FBXW8: variants seen among roughly 807,000 people sequenced by gnomAD.
FBXW8 encodes F-box/WD repeat-containing protein 8.
FBXW8 carries 57 observed loss-of-function variants against 65.3 expected under a neutral mutation model. That is an observed-to-expected ratio of 0.87 (90% confidence interval 0.71 to 1.09). The LOEUF is 1.09. Ranked by LOEUF, FBXW8 falls within the 50% of genes least tolerant of loss-of-function variation. The probability of loss-of-function intolerance (pLI) is 0.00; values close to 1 mark genes in which losing one functional copy is unlikely to be tolerated. For missense variants in FBXW8, 777 were observed against 814.8 expected, an observed-to-expected ratio of 0.95 and a Z score of 0.57; for synonymous variants, 308 against 330.2, an observed-to-expected ratio of 0.93 and a Z score of 0.73.
chr12:116,925,662 T>A (rs578030418), intron 1 of FBXW8, among the ~76,000 whole-genome samples: 1 of 152,292 alleles, frequency 6.6e-6, no homozygotes, highest in African/African-American at 2.4e-5. Flanking sequence ...TAAAAAAAGT[T>A]TGGCTGTGTA....
intron 7 of FBXW8, chr12:117,003,279 C>T (rs981835450): frequency 6.6e-6 from 1 of 152,252 alleles, no homozygotes; most frequent in Non-Finnish European, 1.5e-5. Context: ...ATTCTTTCAT[C>T]ACCTGTATAC....
intron 7 of FBXW8, among the ~76,000 whole-genome samples, chr12:116,994,690 A>T: frequency 6.6e-6 from 1 of 152,224 alleles, no homozygotes; most frequent in East Asian, 1.9e-4. Flanking sequence ...CATTTCTATG[A>T]CATAACAAAG....
In FBXW8 at chr12:116,945,389, C is replaced by T; in HGVS notation, c.449C>T (p.Ala150Val). The change falls in exon 3 of 11, where the codon GCA (alanine) becomes GTA (valine). Residue 150 changes from alanine to valine, a missense_variant. Transcript: ENST00000652555. ...AQVSKTWKVI[A>V]EDEVLWYRLC... The stretch of plus-strand genomic sequence containing the variant: ...GTGAGCAAGACGTGGAAGGTGATTG[C>T]AGAGGATGAGGTGCTGTGGTACAGG... 6.2e-7 allele frequency: 1 copy of T among 1,613,152 alleles called. No homozygotes were observed. Among genetic ancestry groups the T allele is most frequent in the East Asian group, 2.2e-5 (1 of 44,856 alleles).
In FBXW8 at chr12:116,939,029, A is replaced by G. The variant is rs1301270089; in HGVS notation, c.424-6335A>G. ...AGTGCCCAGTACATGGTTAGTGCCC[A>G]AAACATATCTTAACTGATTGACCGG... is the stretch of plus-strand genomic sequence containing the variant. On this transcript the variant is annotated intron_variant, in intron 2 of 10. Transcript: ENST00000652555. 2.6e-5 allele frequency among the ~76,000 whole-genome samples: 4 copies of G among 152,202 alleles called. No individual in the cohort carries two copies. In the East Asian group the frequency reaches 7.7e-4, roughly 29 times the overall value.
At chr12:117,011,470 A>G (rs1953813906) in intron 8 of FBXW8, among the ~76,000 whole-genome samples, 1 of 152,136 alleles carries the variant, frequency 6.6e-6, no homozygotes, top group Admixed American at 6.5e-5. Flanking sequence ...GCCTCCTAAA[A>G]TGGCTGATGT....
rs112645598 is a variant in FBXW8 at position 117,028,183 on chromosome 12, C to T, written c.*11C>T. ...TATAACCATGTTTAGGGATGTGCCT[C>T]AGTTGGGAGCAAGGAGAAAAATGGG... On this transcript the variant is annotated 3_prime_UTR_variant, in exon 11 of 11. Transcript: ENST00000652555. This position sits in a 1 kb window ranked among gnomAD's most constrained non-coding sequence, Gnocchi z 4.1. The T allele has an allele frequency of 6.2e-7, 1 of 1,612,482 alleles. No homozygotes were observed. The highest frequency in any genetic ancestry group is 2.2e-5 in the East Asian group (1 of 44,844).
intron 5 of FBXW8, chr12:116,979,150 G>A (rs772972369): frequency 2.0e-5 from 3 of 152,152 alleles, no homozygotes; most frequent in Admixed American, 1.3e-4. Context: ...AAGGATTGTC[G>A]ACATTATTTC....
intron 10 of FBXW8, 67 bp downstream of exon 10, chr12:117,027,571 C>T (rs544399920): frequency 1.0e-4 from 125 of 1,198,984 alleles, no homozygotes; most frequent in Admixed American, 4.3e-4. Context: ...CCCCACCCCC[C>T]CCGCCGTGAC....
At chr12:116,916,887 TGC>T (rs1026717339) in intron 1 of FBXW8, among the ~76,000 whole-genome samples, 4 of 85,136 alleles carry the variant, frequency 4.7e-5, no homozygotes, top group African/African-American at 1.3e-4. Flanking sequence ...TGGCTAATTG[TGC>T]GTGTGTGTGT....
chr12:117,024,045 A>G, intron 8 of FBXW8, 102 bp from the exon 9 acceptor site: 15 of 1,224,550 alleles, frequency 1.2e-5, no homozygotes, highest in Non-Finnish European at 1.7e-5. Context: ...AGTTTTTCAT[A>G]GCAGTGTTGT....
chr12:116,915,237 G>A (rs762902604), intron 1 of FBXW8, among the ~76,000 whole-genome samples: 3 of 152,194 alleles, frequency 2.0e-5, no homozygotes, highest in Non-Finnish European at 2.9e-5. Flanking sequence ...TGCACATTAG[G>A]TCTTTTCTCC....
intron 8 of FBXW8, among the ~76,000 whole-genome samples, chr12:117,017,254 T>A (rs1029264055): frequency 2.6e-5 from 4 of 152,266 alleles, no homozygotes; most frequent in African/African-American, 9.6e-5. Context: ...GGACTTGTTA[T>A]GGATCTCAGA....
chr12:116,966,430 G>A (rs528468564), intron 5 of FBXW8, among the ~76,000 whole-genome samples: 2 of 152,148 alleles, frequency 1.3e-5, no homozygotes, highest in African/African-American at 2.4e-5. Flanking sequence ...GTGCAAAGAA[G>A]CCAGGTAGGT....
intron 4 of FBXW8, chr12:116,950,533 A>G (rs956432045): frequency 2.0e-5 from 3 of 152,238 alleles, no homozygotes; most frequent in African/African-American, 7.2e-5. Context: ...CTTTAAAGAA[A>G]AATCTTTCTT....
In FBXW8 at chr12:116,915,640, CTTTTTTTTTTTTTTT is replaced by C. The variant is rs57687048; in HGVS notation, c.318+4299_318+4313del. ...CCAAGGGTAACCACTCACCTGACTA[CTTTTTTTTTTTTTTT>C]TTTTTTTTTTTTTGGGAGATAGAGT... On this transcript the variant is annotated intron_variant, in intron 1 of 10. Coordinates refer to ENST00000652555, the MANE Select transcript of FBXW8 (RefSeq NM_153348.3). 2.5e-4 allele frequency among the ~76,000 whole-genome samples: 19 copies of C among 77,202 alleles called. 1 individual carries two copies. In the South Asian group the frequency reaches 7.4e-3, roughly 30 times the overall value. 50.6% of individuals were successfully genotyped at this position (77,202 alleles called of 152,430 possible).
chr12:116,942,694 C>T (rs1203653614), intron 2 of FBXW8, among the ~76,000 whole-genome samples: 1 of 151,690 alleles, frequency 6.6e-6, no homozygotes, highest in African/African-American at 2.4e-5. Flanking sequence ...ATTTTTCTTC[C>T]AGCTCAAACT....
intron 7 of FBXW8, 106 bp downstream of exon 7, chr12:116,988,975 G>A: frequency 1.9e-6 from 2 of 1,059,590 alleles, no homozygotes; most frequent in East Asian, 5.2e-5. Context: ...GATATATCAG[G>A]CCAGTATATA....
Position 116,944,868 on chromosome 12 carries a change from T to G in FBXW8, c.424-496T>G, listed in dbSNP as rs200131151. Among the ~76,000 whole-genome samples the G allele has an allele frequency of 3.0e-4, 45 of 152,352 alleles. No homozygotes were observed. The East Asian group carries it at 7.5e-3, about 25-fold the overall frequency. ...TATATACATATGTTTAAAATCTAAA[T>G]TCTCACATGCAATTTAAATTTGAAT... is the stretch of plus-strand genomic sequence containing the variant. On this transcript the variant is annotated intron_variant, in intron 2 of 10. Coordinates refer to ENST00000652555, the MANE Select transcript of FBXW8 (RefSeq NM_153348.3).
At chr12:117,008,262 A>C (rs1030946323) in intron 7 of FBXW8, among the ~76,000 whole-genome samples, 3 of 152,344 alleles carry the variant, frequency 2.0e-5, no homozygotes, top group South Asian at 4.1e-4. Flanking sequence ...AGAACACTTG[A>C]AAGTGGATGC....
Sources: allele counts gnomAD v4.1 joint callset (sites outside exome capture counted in the v4.1 genomes callset), GRCh38; gene constraint gnomAD v4.1.1; non-coding constraint Gnocchi (gnomAD v3.1); transcripts MANE v1.5; gene names NCBI Gene and HGNC (gene_info 2026-07-23, HGNC 2026-07-21).